The following ZNF441 variants were observed in gnomAD, a reference collection of about 807,000 sequenced individuals.
The protein encoded by ZNF441 is zinc finger protein 441.
In ZNF441, 25 loss-of-function variants were observed where a neutral mutation model predicts 64.5. That is an observed-to-expected ratio of 0.39 (90% CI 0.28 to 0.54). The LOEUF (loss-of-function observed/expected upper bound fraction) is 0.54, where lower values mean the gene tolerates loss of function less well. ZNF441 is among the 20% of genes least tolerant of loss of function. The pLI is 0.70. For missense variants in ZNF441, 715 were observed against 843.3 expected, an observed-to-expected ratio of 0.85 and a Z score of 1.88; for synonymous variants, 262 against 268.0, an observed-to-expected ratio of 0.98 and a Z score of 0.22.
rs1476471535 is a variant in ZNF441, at chr19:11,781,424, A to G, written c.1600A>G (p.Lys534Glu). ...IHTGERPYKC[K>E]LCGKGFRSSS... is the part of the protein sequence containing the mutation. ...CACTGGGGAGAGACCCTATAAGTGT[A>G]AACTATGTGGGAAAGGCTTCAGGTC... The change falls in exon 4 of 4, where the codon AAA (lysine) becomes GAA (glutamate). Residue 534 changes from lysine to glutamate, a missense_variant. Physicochemically the swap from Lys to Glu is moderately conservative, Grantham distance 56. Around this residue, in one of 2 missense-constraint regions of ZNF441, gnomAD observed 316 missense variants for 429.3 expected, o/e 0.74. Coordinates refer to ENST00000357901, the MANE Select transcript of ZNF441 (RefSeq NM_152355.3). 1 of 1,614,094 alleles carries G rather than the reference A, an allele frequency of 6.2e-7. No homozygotes were observed. Among genetic ancestry groups the G allele is most frequent in the South Asian group, 1.1e-5 (1 of 91,076 alleles).
intron 1 of ZNF441, among the ~76,000 whole-genome samples, chr19:11,776,527 ATAT>A (rs1457003721): frequency 2.0e-5 from 3 of 152,212 alleles, no homozygotes; most frequent in Non-Finnish European, 2.9e-5. Flanking sequence ...ATTTAGGGAA[ATAT>A]TATAGATATT....
intron 2 of ZNF441, chr19:11,777,968 G>A (rs1365364097): frequency 1.1e-5 from 5 of 435,972 alleles, no homozygotes; most frequent in African/African-American, 8.2e-5. Flanking sequence ...TATGTCATAT[G>A]TATTACATGC....
At chr19:11,779,703 C>T (rs1053469589) in intron 3 of ZNF441, among the ~76,000 whole-genome samples, 23 of 151,068 alleles carry the variant, frequency 1.5e-4, no homozygotes, top group African/African-American at 2.4e-4. Context: ...GCCGAGATTG[C>T]GCCACTGCAC....
At chr19:11,778,872 T>C (rs1362706773) in intron 3 of ZNF441, among the ~76,000 whole-genome samples, 1 of 152,212 alleles carries the variant, frequency 6.6e-6, no homozygotes. Flanking sequence ...GGCTATTCAG[T>C]GCCTGCAAAA....
chr19:11,779,868 A>G (rs1240758705), intron 3 of ZNF441, 151 bp from the exon 4 acceptor site: 3 of 672,526 alleles, frequency 4.5e-6, no homozygotes, highest in Non-Finnish European at 7.2e-6. Flanking sequence ...CTGAGATCAC[A>G]CCACTACACT....
chr19:11,777,384 A>G (rs1157881531), intron 1 of ZNF441, among the ~76,000 whole-genome samples: 2 of 152,208 alleles, frequency 1.3e-5, no homozygotes, highest in Non-Finnish European at 2.9e-5. Context: ...TTAACTTACC[A>G]ACAAGAGGCG....
intron 3 of ZNF441, among the ~76,000 whole-genome samples, chr19:11,779,465 G>A (rs35633196): frequency 0.011 from 1,699 of 152,128 alleles, 14 homozygotes; most frequent in Non-Finnish European, 0.017. Context: ...GTGAAACCTC[G>A]TCTCTATAAA....
chr19:11,769,489 A>G lies in ZNF441; in HGVS notation c.3+2293A>G, dbSNP rs78802533. Among the ~76,000 whole-genome samples the G allele has an allele frequency of 9.4e-3, 1,429 of 152,230 alleles. 30 individuals carry two copies. The highest frequency in any genetic ancestry group is 0.032 in the African/African-American group (1,341 of 41,538). On this transcript the variant is annotated intron_variant, in intron 1 of 3. Transcript: ENST00000357901. Reference sequence around the variant, plus strand: ...CTGCTAATATCATACTCTCCTGATTACTATAGTCTTCAAAGCCTTGATGTG... The same window carrying G: ...CTGCTAATATCATACTCTCCTGATTGCTATAGTCTTCAAAGCCTTGATGTG...
chr19:11,778,189 C>T (rs1312753458), intron 2 of ZNF441, 141 bp from the exon 3 acceptor site: 2 of 640,314 alleles, frequency 3.1e-6, no homozygotes, highest in African/African-American at 1.9e-5. Flanking sequence ...TGTAAGTAGA[C>T]CTGTGCAGTT....
At chr19:11,768,429 T>C (rs1975287679) in intron 1 of ZNF441, among the ~76,000 whole-genome samples, 3 of 152,212 alleles carry the variant, frequency 2.0e-5, no homozygotes, top group Admixed American at 2.0e-4. Context: ...TTTGTTACTG[T>C]CCTCCCTTCA....
At chr19:11,772,498 T>A (rs190210679) in intron 1 of ZNF441, among the ~76,000 whole-genome samples, 215 of 152,298 alleles carry the variant, frequency 1.4e-3, no homozygotes, top group African/African-American at 4.7e-3. Flanking sequence ...ATCAGAATAC[T>A]GGATGAACAC....
intron 1 of ZNF441, among the ~76,000 whole-genome samples, chr19:11,770,932 CAAAA>C (rs33976066): frequency 8.3e-6 from 1 of 120,066 alleles, no homozygotes; most frequent in Non-Finnish European, 1.8e-5. Context: ...AACTCTGTTT[CAAAA>C]AAAAAAAAAA....
At chr19:11,771,697 C>T (rs1975314476) in intron 1 of ZNF441, among the ~76,000 whole-genome samples, 1 of 152,226 alleles carries the variant, frequency 6.6e-6, no homozygotes, top group Non-Finnish European at 1.5e-5. Context: ...CTGGACAGGG[C>T]CACCAGGGGG....
At chr19:11,768,313 C>G (rs73922689) in intron 1 of ZNF441, among the ~76,000 whole-genome samples, 2 of 152,136 alleles carry the variant, frequency 1.3e-5, no homozygotes, top group East Asian at 1.9e-4. Context: ...CAATATATGG[C>G]TCTTTGTAAA....
chr19:11,773,613 C>G (rs557809582), intron 1 of ZNF441, among the ~76,000 whole-genome samples: 6 of 151,992 alleles, frequency 3.9e-5, no homozygotes, highest in African/African-American at 4.8e-5. Flanking sequence ...AAGTTTTTGC[C>G]TTATGTATTT....
chr19:11,779,904 C>A (rs1975384585), intron 3 of ZNF441, 115 bp from the exon 4 acceptor site: 1 of 953,036 alleles, frequency 1.0e-6, no homozygotes, highest in Non-Finnish European at 1.5e-6. Context: ...GAGCGAGAAC[C>A]TGTCTCAGAA....
chr19:11,768,874 A>G (rs1392565984), intron 1 of ZNF441, among the ~76,000 whole-genome samples: 1 of 152,218 alleles, frequency 6.6e-6, no homozygotes, highest in Non-Finnish European at 1.5e-5. Flanking sequence ...TCTCAGACTA[A>G]TGAAGGGAGA....
chr19:11,768,651 C>T (rs1975289541), intron 1 of ZNF441, among the ~76,000 whole-genome samples: 1 of 152,196 alleles, frequency 6.6e-6, no homozygotes. Context: ...TCCCAGAGGA[C>T]ACCCTGAGGT....
rs577847988 is a variant in ZNF441 at position 11,767,298 on chromosome 19, C to A, written c.3+102C>A. ...CACCAGGTCTTCCCCGCCGGCGACA[C>A]CCTGGCGCAGCTCGGCCCTCGGTTC... On this transcript the variant is annotated intron_variant, in intron 1 of 3. Transcript: ENST00000357901. The surrounding 1 kb of genome is among the most constrained non-coding windows in gnomAD (Gnocchi z 5.1). 3 of 1,522,286 alleles carry A rather than the reference C, an allele frequency of 2.0e-6. No individual in the cohort carries two copies. Among genetic ancestry groups the A allele is most frequent in the East Asian group, 4.9e-5 (2 of 40,418 alleles). 94.3% of individuals were successfully genotyped at this position (1,522,286 alleles called of 1,614,324 possible).
Sources: gnomAD v4.1 joint callset for allele counts (sites outside exome capture counted in the v4.1 genomes callset) on GRCh38, gnomAD v4.1.1 for gene constraint, gnomAD v4.1.1 regional missense constraint, Gnocchi (gnomAD v3.1) non-coding constraint, MANE v1.5 for transcripts, NCBI Gene and HGNC (gene_info 2026-07-23, HGNC 2026-07-21) for gene names.